Variants in SGCG observed in about 807,000 individuals in gnomAD.
SGCG encodes the protein sarcoglycan gamma.
SGCG carries 26 observed loss-of-function variants against 29.3 expected under a neutral mutation model. The ratio of observed to expected loss-of-function variants is 0.89; its 90% CI spans 0.65 to 1.23. The LOEUF (loss-of-function observed/expected upper bound fraction) is 1.23. Among genes scored for constraint, SGCG ranks in the 50% most tolerant of loss-of-function variants. The probability of loss-of-function intolerance (pLI) is 0.00; values close to 1 mark genes in which losing one functional copy is unlikely to be tolerated. For synonymous variants in SGCG, 145 were observed against 129.7 expected (o/e 1.12, Z -0.80); for missense variants, 353 against 356.0 (o/e 0.99, Z 0.07).
intron 1 of SGCG, among the ~76,000 whole-genome samples, chr13:23,200,163 C>A (rs1333482593): frequency 6.6e-6 from 1 of 152,186 alleles, no homozygotes; most frequent in Admixed American, 6.5e-5. Flanking sequence ...TGGTGCATGC[C>A]TGTAATCCCA....
At chr13:23,191,373 A>T (rs990819014) in intron 1 of SGCG, among the ~76,000 whole-genome samples, 2 of 152,232 alleles carry the variant, frequency 1.3e-5, no homozygotes, top group Non-Finnish European at 2.9e-5. Flanking sequence ...GAGGAGAGAC[A>T]GCAAGGAGAA....
At chr13:23,171,403 A>G in the SGCG span, among the ~76,000 whole-genome samples, 1 of 152,230 alleles carries the variant, frequency 6.6e-6, no homozygotes, top group Non-Finnish European at 1.5e-5. Flanking sequence ...TTTAAAGCTC[A>G]GCTGACTTCA....
chr13:23,164,447 G>T, the SGCG span, among the ~76,000 whole-genome samples: 1 of 152,124 alleles, frequency 6.6e-6, no homozygotes, highest in Non-Finnish European at 1.5e-5. Context: ...AGGAAACTGG[G>T]CCCAGAGAGG....
chr13:23,178,973 C>G (rs1417516862), upstream of SGCG, among the ~76,000 whole-genome samples: 1 of 152,054 alleles, frequency 6.6e-6, no homozygotes, highest in African/African-American at 2.4e-5. Flanking sequence ...CAGAAAGGTC[C>G]CCATAGGTTC....
chr13:23,167,951 G>A, the SGCG span, among the ~76,000 whole-genome samples: 1 of 152,042 alleles, frequency 6.6e-6, no homozygotes, highest in Non-Finnish European at 1.5e-5. Context: ...TGGCCAGTCT[G>A]GTCTTGAACT....
At chr13:23,183,459 T>C (rs980659248) in intron 1 of SGCG, among the ~76,000 whole-genome samples, 1 of 152,042 alleles carries the variant, frequency 6.6e-6, no homozygotes, top group Non-Finnish European at 1.5e-5. Flanking sequence ...GAGAACGTTC[T>C]CTGCACGCAG....
intron 5 of SGCG, among the ~76,000 whole-genome samples, chr13:23,294,227 A>G (rs142937230): frequency 2.0e-3 from 299 of 152,322 alleles, no homozygotes; most frequent in African/African-American, 7.1e-3. Context: ...AGGGCCTAAG[A>G]TAGGCATGAG....
In SGCG at chr13:23,278,242, G is replaced by A. The variant is rs145183829; in HGVS notation, c.386-1117G>A. Among the ~76,000 whole-genome samples the A allele has an allele frequency of 7.7e-3, 1,171 of 152,040 alleles. 17 individuals carry two copies. Among genetic ancestry groups the A allele is most frequent in the African/African-American group, 0.026 (1,078 of 41,508 alleles). On this transcript the variant is annotated intron_variant, in intron 4 of 7. Coordinates refer to ENST00000218867, the MANE Select transcript of SGCG (RefSeq NM_000231.3). ...GCGGATCACCTGAGGTTAGGAGTTC[G>A]AGACAAACCTGGCCAATATAGTAAA...
At chr13:23,233,873 G>T (rs1292751148) in intron 2 of SGCG, among the ~76,000 whole-genome samples, 1 of 152,192 alleles carries the variant, frequency 6.6e-6, no homozygotes, top group African/African-American at 2.4e-5. Flanking sequence ...GGTTCTGCAG[G>T]TGGGAGGAAA....
intron 4 of SGCG, among the ~76,000 whole-genome samples, chr13:23,263,996 A>T (rs1880544685): frequency 6.6e-6 from 1 of 152,118 alleles, no homozygotes; most frequent in Non-Finnish European, 1.5e-5. Flanking sequence ...AGTTGAAAGC[A>T]TTCCCCCTAA....
chr13:23,162,961 T>A, the SGCG span, among the ~76,000 whole-genome samples: 24 of 152,266 alleles, frequency 1.6e-4, no homozygotes, highest in African/African-American at 5.5e-4. Context: ...CTAAAAAAGA[T>A]AAAGATAATT....
intron 6 of SGCG, among the ~76,000 whole-genome samples, chr13:23,315,501 T>A (rs1220794199): frequency 1.3e-5 from 2 of 152,126 alleles, no homozygotes; most frequent in East Asian, 3.9e-4. Flanking sequence ...GAGTTCCCTA[T>A]GATCAGTTGA....
At chr13:23,276,669 A>G (rs1433918241) in intron 4 of SGCG, among the ~76,000 whole-genome samples, 3 of 152,154 alleles carry the variant, frequency 2.0e-5, no homozygotes, top group Non-Finnish European at 4.4e-5. Context: ...TGATGAGCTC[A>G]GGCAATCTGC....
At chr13:23,194,240 G>T (rs1877395734) in intron 1 of SGCG, among the ~76,000 whole-genome samples, 1 of 152,142 alleles carries the variant, frequency 6.6e-6, no homozygotes, top group African/African-American at 2.4e-5. Flanking sequence ...GTCAAAAATA[G>T]TTGCAAGCAT....
intron 4 of SGCG, among the ~76,000 whole-genome samples, chr13:23,254,804 C>G (rs1268492979): frequency 1.3e-5 from 2 of 152,196 alleles, no homozygotes; most frequent in Non-Finnish European, 1.5e-5. Context: ...TGCTCTAGCT[C>G]CAGCTGTGCC....
At chr13:23,184,012 G>A (rs944927040) in intron 1 of SGCG, among the ~76,000 whole-genome samples, 1 of 152,190 alleles carries the variant, frequency 6.6e-6, no homozygotes, top group Non-Finnish European at 1.5e-5. Context: ...CAATATAAGT[G>A]TGTTGTCTCC....
chr13:23,210,060 T>A (rs1236474387), intron 2 of SGCG, among the ~76,000 whole-genome samples: 3 of 152,220 alleles, frequency 2.0e-5, no homozygotes, highest in Non-Finnish European at 2.9e-5. Flanking sequence ...TGGTTAGCTT[T>A]TAATCTTTTA....
chr13:23,205,476 G>T (rs1029352037), intron 2 of SGCG, among the ~76,000 whole-genome samples: 1 of 152,160 alleles, frequency 6.6e-6, no homozygotes, highest in African/African-American at 2.4e-5. Context: ...TGGGAGTGAC[G>T]AGAAGCCCAG....
At chr13:23,302,102 CAT>C (rs1318505089) in intron 6 of SGCG, among the ~76,000 whole-genome samples, 1 of 151,904 alleles carries the variant, frequency 6.6e-6, no homozygotes, top group African/African-American at 2.4e-5. Context: ...AACTGAAAAA[CAT>C]ACAAACAAGC....
Sources: allele counts gnomAD v4.1 joint callset (sites outside exome capture counted in the v4.1 genomes callset), GRCh38; gene constraint gnomAD v4.1.1; transcripts MANE v1.5; gene names NCBI Gene and HGNC (gene_info 2026-07-23, HGNC 2026-07-21).